AGBL4: variants seen among roughly 807,000 people sequenced by gnomAD.
AGBL4 encodes the protein AGBL carboxypeptidase 4, also known as cytosolic carboxypeptidase 6.
A neutral mutation model predicts 66.4 loss-of-function variants in AGBL4; 58 were observed. The observed-to-expected ratio is 0.87, with a 90% confidence interval of 0.71 to 1.09. The LOEUF (loss-of-function observed/expected upper bound fraction) is 1.09, where lower values mean the gene tolerates loss of function less well. Among genes scored for constraint, AGBL4 ranks in the 50% least tolerant of loss-of-function variants. AGBL4 has a pLI of 0.00. For synonymous variants in AGBL4, 234 were observed against 222.9 expected, an observed-to-expected ratio of 1.05 and a Z score of -0.44; for missense variants, 579 against 631.0, an observed-to-expected ratio of 0.92 and a Z score of 0.88.
rs182211428 is a variant in AGBL4 at position 49,144,684 on chromosome 1, T to C, written c.378-98884A>G. On this transcript the variant is annotated intron_variant, in intron 4 of 13. Transcript: ENST00000371839. ...CAGACCCAGAAATAGACAATGATAA[T>C]TTGATGATAAATGCTGTGAAAGAGA... Among the ~76,000 whole-genome samples the C allele has an allele frequency of 5.3e-5, 8 of 152,020 alleles. 1 individual carries two copies. Among genetic ancestry groups the C allele is most frequent in the Admixed American group, 5.2e-4 (8 of 15,250 alleles).
In AGBL4 at chr1:48,795,905, C is replaced by T. The variant is rs182162552; in HGVS notation, c.634+71286G>A. 2.0e-5 allele frequency among the ~76,000 whole-genome samples: 3 copies of T among 152,356 alleles called. No homozygotes were observed. In the East Asian group the frequency reaches 5.8e-4, roughly 29 times the overall value. ...CTGAACTCAGGTGATCCACCCGCCT[C>T]AGCCTCCCAAAGTGCTGGGATTACA... On this transcript the variant is annotated intron_variant, in intron 6 of 13. Transcript: ENST00000371839.
At chr1:48,653,197 G>A in intron 8 of AGBL4, 140 bp downstream of exon 8, 3 of 636,800 alleles carry the variant, frequency 4.7e-6, no homozygotes, top group East Asian at 3.0e-5. Flanking sequence ...AAATTCTCAA[G>A]AGCCAGGGTG....
intron 11 of AGBL4, among the ~76,000 whole-genome samples, chr1:48,571,302 C>T (rs773004882): frequency 2.0e-5 from 3 of 152,242 alleles, no homozygotes; most frequent in Non-Finnish European, 4.4e-5. Flanking sequence ...CAGCTCAAAT[C>T]CCCGCATTCC....
intron 5 of AGBL4, among the ~76,000 whole-genome samples, chr1:48,882,931 C>T (rs1649934920): frequency 1.3e-5 from 2 of 152,160 alleles, no homozygotes; most frequent in South Asian, 4.1e-4. Flanking sequence ...TCTATGCTGT[C>T]ACAAAAGACA....
chr1:49,806,131 G>C (rs1284819207), intron 2 of AGBL4, among the ~76,000 whole-genome samples: 20 of 152,180 alleles, frequency 1.3e-4, no homozygotes, highest in Non-Finnish European at 2.9e-5. Context: ...GGGTGGCTCT[G>C]ATGAAGGCTT....
chr1:49,743,912 G>C (rs1650772138), intron 2 of AGBL4, among the ~76,000 whole-genome samples: 1 of 113,030 alleles, frequency 8.8e-6, no homozygotes, highest in Admixed American at 1.1e-4. Flanking sequence ...TGTGGGGTGG[G>C]GGGAGGGGGG....
chr1:48,848,377 GC>G (rs2148805655), intron 6 of AGBL4, among the ~76,000 whole-genome samples: 1 of 152,262 alleles, frequency 6.6e-6, no homozygotes, highest in Admixed American at 6.5e-5. Context: ...GTATTTCATG[GC>G]TTTAATGAGT....
intron 5 of AGBL4, among the ~76,000 whole-genome samples, chr1:48,905,213 C>A (rs1381499645): frequency 6.6e-6 from 1 of 152,180 alleles, no homozygotes; most frequent in Non-Finnish European, 1.5e-5. Context: ...GTCCTACCAG[C>A]CCCTCTATGA....
At chr1:49,442,149 C>T (rs906199317) in intron 3 of AGBL4, among the ~76,000 whole-genome samples, 1 of 152,112 alleles carries the variant, frequency 6.6e-6, no homozygotes, top group Admixed American at 6.5e-5. Flanking sequence ...TGAATAGATA[C>T]TCTTTCCCAC....
intron 4 of AGBL4, among the ~76,000 whole-genome samples, chr1:49,202,604 A>T (rs1167211822): frequency 6.6e-6 from 1 of 152,140 alleles, no homozygotes; most frequent in Admixed American, 6.6e-5. Flanking sequence ...CTTAAAACAA[A>T]AAGAAACTCA....
intron 4 of AGBL4, among the ~76,000 whole-genome samples, chr1:49,066,060 G>T (rs755368732): frequency 1.2e-4 from 18 of 152,112 alleles, no homozygotes; most frequent in Middle Eastern, 6.8e-3. Context: ...AAGAAGAGGA[G>T]GAAAAAAATA....
At chr1:49,359,411 TACTC>T (rs971239938) in intron 3 of AGBL4, among the ~76,000 whole-genome samples, 6 of 152,200 alleles carry the variant, frequency 3.9e-5, no homozygotes, top group African/African-American at 1.2e-4. Flanking sequence ...GTGTAAAAGT[TACTC>T]ACACAATCTC....
At chr1:49,003,163 C>A (rs1661519755) in intron 5 of AGBL4, among the ~76,000 whole-genome samples, 1 of 152,176 alleles carries the variant, frequency 6.6e-6, no homozygotes, top group Non-Finnish European at 1.5e-5. Context: ...TCTGGGAGGC[C>A]AAGGCAGGTG....
intron 3 of AGBL4, among the ~76,000 whole-genome samples, chr1:49,372,623 C>CTTTCTTTT (rs1644377152): frequency 4.1e-4 from 35 of 86,320 alleles, no homozygotes; most frequent in African/African-American, 1.6e-3. Context: ...TTCTTTCTTT[C>CTTTCTTTT]TTTCTTTCTT....
At chr1:48,620,542 C>G (rs1220429961) in intron 9 of AGBL4, among the ~76,000 whole-genome samples, 1 of 152,166 alleles carries the variant, frequency 6.6e-6, no homozygotes, top group Non-Finnish European at 1.5e-5. Context: ...GGATTATAGG[C>G]AAGAGCCACC....
intron 3 of AGBL4, among the ~76,000 whole-genome samples, chr1:49,658,872 G>C (rs1045104818): frequency 6.6e-6 from 1 of 151,880 alleles, no homozygotes; most frequent in Non-Finnish European, 1.5e-5. Flanking sequence ...GTGGGGGAAT[G>C]GGGGGAGGGA....
At chr1:48,524,318 GA>G in the AGBL4 span, among the ~76,000 whole-genome samples, 14,710 of 150,748 alleles carry the variant, frequency 0.098, 1,362 homozygotes, top group East Asian at 0.25. Context: ...TCTGAAGAGA[GA>G]AAAAAAAAGA....
In AGBL4 at chr1:49,631,799, A is replaced by G. The variant is rs1333739558; in HGVS notation, c.282+65514T>C. 2.6e-5 allele frequency among the ~76,000 whole-genome samples: 4 copies of G among 152,324 alleles called. No individual in the cohort carries two copies. The South Asian group carries it at 8.3e-4, about 32-fold the overall frequency. On this transcript the variant is annotated intron_variant, in intron 3 of 13. Coordinates refer to ENST00000371839, the MANE Select transcript of AGBL4 (RefSeq NM_032785.4). ...AATGTGAAGAATCTCATACTGCAAC[A>G]TGGTTCTAAGAGAGTTACATCAAAT... is the stretch of plus-strand genomic sequence containing the variant.
intron 3 of AGBL4, among the ~76,000 whole-genome samples, chr1:49,365,679 T>C (rs764523621): frequency 1.1e-4 from 16 of 152,046 alleles, no homozygotes; most frequent in Non-Finnish European, 1.6e-4. Context: ...TGGGTGATAA[T>C]TATGATTTTT....
Sources: gnomAD v4.1 joint callset for allele counts (sites outside exome capture counted in the v4.1 genomes callset) on GRCh38, gnomAD v4.1.1 for gene constraint, MANE v1.5 for transcripts, NCBI Gene and HGNC (gene_info 2026-07-23, HGNC 2026-07-21) for gene names.